The following PRKN variants were observed in gnomAD, a reference collection of about 807,000 sequenced individuals.
The protein encoded by PRKN is parkin RBR E3 ubiquitin protein ligase, also known as E3 ubiquitin-protein ligase parkin.
PRKN carries 56 observed loss-of-function variants against 59.5 expected under a neutral mutation model. That is an observed-to-expected ratio of 0.94 (90% CI 0.76 to 1.18). The LOEUF (loss-of-function observed/expected upper bound fraction) is 1.18, where lower values mean the gene tolerates loss of function less well. Ranked by LOEUF, PRKN falls within the 50% of genes most tolerant of loss-of-function variation. The probability of loss-of-function intolerance (pLI) is 0.00; values close to 1 mark genes in which losing one functional copy is unlikely to be tolerated. For missense variants in PRKN, 657 were observed against 596.4 expected (o/e 1.10, Z -1.06); for synonymous variants, 250 against 222.1 (o/e 1.13, Z -1.12).
At chr6:162,311,183 GA>G (rs1435843257) in intron 2 of PRKN, among the ~76,000 whole-genome samples, 3 of 152,126 alleles carry the variant, frequency 2.0e-5, no homozygotes, top group African/African-American at 7.2e-5. Flanking sequence ...AAAGATTGCT[GA>G]TTTATAACTT....
At chr6:161,843,422 A>C (rs1384474909) in intron 6 of PRKN, among the ~76,000 whole-genome samples, 1 of 152,168 alleles carries the variant, frequency 6.6e-6, no homozygotes, top group African/African-American at 2.4e-5. Context: ...ATTTGTTCTT[A>C]TTTTTATTCT....
chr6:162,111,309 C>CA (rs1165907294), intron 4 of PRKN, among the ~76,000 whole-genome samples: 17 of 152,070 alleles, frequency 1.1e-4, no homozygotes, highest in Admixed American at 9.8e-4. Context: ...ACTAAAAATA[C>CA]AAAAAATTAC....
At chr6:161,374,817 C>T (rs529209477) in intron 10 of PRKN, among the ~76,000 whole-genome samples, 11 of 152,130 alleles carry the variant, frequency 7.2e-5, no homozygotes, top group African/African-American at 2.7e-4. Flanking sequence ...CTTGTTCTAG[C>T]TGCTTGTTTA....
In PRKN at chr6:162,363,131, CAAAAAAAAAAAA is replaced by C. The variant is rs34722234; in HGVS notation, c.171+80167_171+80178del. 9.8e-4 allele frequency among the ~76,000 whole-genome samples: 96 copies of C among 98,442 alleles called. 1 individual carries two copies. The highest frequency in any genetic ancestry group is 2.7e-3 in the Admixed American group (24 of 8,886). 64.6% of individuals were successfully genotyped at this position (98,442 alleles called of 152,430 possible). A position where few individuals can be genotyped will look rare whatever the true frequency, so the allele number is the denominator to read the frequency against. On this transcript the variant is annotated intron_variant, in intron 2 of 11. Transcript: ENST00000366898. The stretch of plus-strand genomic sequence containing the variant: ...TGACAGAGCGAGACTCCTTCTCAAA[CAAAAAAAAAAAA>C]AAAAAAAAAAAAAATTGTCTCCCCT...
At chr6:162,560,196 T>C (rs1444945931) in intron 1 of PRKN, among the ~76,000 whole-genome samples, 1 of 152,206 alleles carries the variant, frequency 6.6e-6, no homozygotes, top group African/African-American at 2.4e-5. Context: ...GGTGATTTCA[T>C]TCAGATACAA....
intron 1 of PRKN, among the ~76,000 whole-genome samples, chr6:162,520,862 T>C (rs549128701): frequency 3.9e-5 from 6 of 152,292 alleles, no homozygotes; most frequent in African/African-American, 1.2e-4. Context: ...TAAGCAAATC[T>C]TTTTAAAACA....
At chr6:162,298,167 AG>A (rs1410747108) in intron 2 of PRKN, among the ~76,000 whole-genome samples, 1 of 149,090 alleles carries the variant, frequency 6.7e-6, no homozygotes, top group Non-Finnish European at 1.5e-5. Context: ...GTACAGACGG[AG>A]GGGAGAGAGA....
intron 1 of PRKN, among the ~76,000 whole-genome samples, chr6:162,466,134 GA>G (rs1409470251): frequency 6.6e-6 from 1 of 152,144 alleles, no homozygotes; most frequent in Non-Finnish European, 1.5e-5. Context: ...ATTGATTGCA[GA>G]AACAGCTACT....
intron 9 of PRKN, among the ~76,000 whole-genome samples, chr6:161,505,198 C>G (rs1483698011): frequency 6.6e-6 from 1 of 152,192 alleles, no homozygotes; most frequent in Non-Finnish European, 1.5e-5. Context: ...TGTTTCCTGA[C>G]TTTTTAATGA....
At chr6:162,488,026 C>G in intron 1 of PRKN, among the ~76,000 whole-genome samples, 1 of 123,600 alleles carries the variant, frequency 8.1e-6, no homozygotes, top group South Asian at 2.7e-4. Flanking sequence ...CCACCATTTC[C>G]CTTTTTTTTT....
At chr6:161,490,311 TGC>T (rs1439449657) in intron 9 of PRKN, among the ~76,000 whole-genome samples, 25 of 23,344 alleles carry the variant, frequency 1.1e-3, no homozygotes, top group East Asian at 1.6e-3. Flanking sequence ...TTTTCTTTCT[TGC>T]TTGCTTGCTT....
intron 2 of PRKN, among the ~76,000 whole-genome samples, chr6:162,442,696 CA>C (rs564565908): frequency 3.1e-3 from 468 of 152,240 alleles, no homozygotes; most frequent in African/African-American, 0.011. Context: ...TTTCCAGGGA[CA>C]ATGTTACTGA....
intron 6 of PRKN, among the ~76,000 whole-genome samples, chr6:161,897,177 G>C (rs777504009): frequency 1.3e-5 from 2 of 152,118 alleles, no homozygotes; most frequent in Non-Finnish European, 2.9e-5. Flanking sequence ...TTCTTTGTTC[G>C]AGCTCAAGTG....
At chr6:161,932,201 CTT>C (rs1779191904) in intron 6 of PRKN, among the ~76,000 whole-genome samples, 5 of 152,076 alleles carry the variant, frequency 3.3e-5, no homozygotes, top group African/African-American at 9.6e-5. Flanking sequence ...ACACAGTTGT[CTT>C]TTCTCTGATG....
chr6:162,579,788 T>A (rs1490983074), intron 1 of PRKN, among the ~76,000 whole-genome samples: 1 of 152,120 alleles, frequency 6.6e-6, no homozygotes, highest in Non-Finnish European at 1.5e-5. Flanking sequence ...CACAGATTTA[T>A]ACACACGTTC....
chr6:162,411,819 T>A (rs1397165441), intron 2 of PRKN, among the ~76,000 whole-genome samples: 2 of 152,108 alleles, frequency 1.3e-5, no homozygotes, highest in Non-Finnish European at 2.9e-5. Flanking sequence ...CTCCTCAGGC[T>A]CACATCCCCA....
At chr6:162,634,746 C>T (rs1777645401) in intron 1 of PRKN, among the ~76,000 whole-genome samples, 1 of 152,092 alleles carries the variant, frequency 6.6e-6, no homozygotes, top group African/African-American at 2.4e-5. Context: ...GCCTCAGTCT[C>T]CCAAGTAGCT....
chr6:162,506,048 C>T (rs755210578), intron 1 of PRKN, among the ~76,000 whole-genome samples: 20 of 152,046 alleles, frequency 1.3e-4, no homozygotes, highest in Admixed American at 6.6e-4. Context: ...GGACTTGATC[C>T]TCCATTTGGT....
chr6:162,193,805 C>G (rs1417691216), intron 4 of PRKN, among the ~76,000 whole-genome samples: 1 of 152,150 alleles, frequency 6.6e-6, no homozygotes, highest in Non-Finnish European at 1.5e-5. Flanking sequence ...GTCCTGAGCT[C>G]TTCAGGTCCC....
Sources: gnomAD v4.1 joint callset for allele counts (sites outside exome capture counted in the v4.1 genomes callset) on GRCh38, gnomAD v4.1.1 for gene constraint, MANE v1.5 for transcripts, NCBI Gene and HGNC (gene_info 2026-07-23, HGNC 2026-07-21) for gene names.